Variants in NLGN1 observed in about 807,000 individuals in gnomAD.
NLGN1 encodes neuroligin-1.
In NLGN1, 12 loss-of-function variants were observed where a neutral mutation model predicts 65.5. That is an observed-to-expected ratio of 0.18 (90% CI 0.12 to 0.30). The LOEUF is 0.30. Among genes scored for constraint, NLGN1 ranks in the 10% least tolerant of loss-of-function variants. The pLI, the probability that NLGN1 is intolerant of heterozygous loss-of-function variation, is 1.00. For synonymous variants in NLGN1, 350 were observed against 359.5 expected, an observed-to-expected ratio of 0.97 and a Z score of 0.30; for missense variants, 750 against 1,007.1, an observed-to-expected ratio of 0.74 and a Z score of 3.46.
At chr3:173,693,708 A>G (rs1452575671) in intron 3 of NLGN1, among the ~76,000 whole-genome samples, 1 of 152,058 alleles carries the variant, frequency 6.6e-6, no homozygotes, top group Non-Finnish European at 1.5e-5. Flanking sequence ...GCAGAAAATA[A>G]TGAACAAAAA....
intron 4 of NLGN1, among the ~76,000 whole-genome samples, chr3:174,220,334 TCTC>T (rs1442039466): frequency 6.6e-6 from 1 of 151,992 alleles, no homozygotes; most frequent in Non-Finnish European, 1.5e-5. Flanking sequence ...AGTATGGAGA[TCTC>T]CTACAGAAGT....
intron 3 of NLGN1, among the ~76,000 whole-genome samples, chr3:173,628,822 C>T (rs1192363036): frequency 6.6e-6 from 1 of 151,888 alleles, no homozygotes; most frequent in Non-Finnish European, 1.5e-5. Context: ...GTCTCCCTAA[C>T]AGCTGGGATT....
intron 4 of NLGN1, among the ~76,000 whole-genome samples, chr3:173,832,439 A>C (rs1478929000): frequency 6.6e-6 from 1 of 152,194 alleles, no homozygotes; most frequent in African/African-American, 2.4e-5. Flanking sequence ...ATTTCATGCC[A>C]ATTTGTAGCC....
intron 4 of NLGN1, among the ~76,000 whole-genome samples, chr3:173,980,582 A>T (rs1280544931): frequency 6.6e-6 from 1 of 152,078 alleles, no homozygotes; most frequent in East Asian, 1.9e-4. Context: ...TTTCCTTAGG[A>T]TACATACCTA....
Position 173,766,807 on chromosome 3 carries a change from C to T in NLGN1, c.494-40873C>T, listed in dbSNP as rs533004691. On this transcript the variant is annotated intron_variant, in intron 3 of 6. Transcript: ENST00000457714. ...TGCCTTTTTCGTTTTTATAAGAATA[C>T]GTTTTTAAATCAAAGCCAGATTGGA... is the stretch of plus-strand genomic sequence containing the variant. Among the ~76,000 whole-genome samples the T allele has an allele frequency of 3.9e-5, 6 of 152,146 alleles. No individual in the cohort carries two copies. The East Asian group carries it at 5.8e-4, about 15-fold the overall frequency.
At chr3:174,283,151 A>AAAG (rs1181291046) in exon 7 of NLGN1, 1 of 151,658 alleles carries the variant, frequency 6.6e-6, no homozygotes, top group Non-Finnish European at 1.5e-5. Context: ...AAAAAAAGGA[A>AAAG]AAGAAGAACA....
chr3:173,840,794 A>T (rs1276293001), intron 4 of NLGN1, among the ~76,000 whole-genome samples: 2 of 152,096 alleles, frequency 1.3e-5, no homozygotes, highest in African/African-American at 4.8e-5. Flanking sequence ...GTTATTATCT[A>T]CCACTATTTT....
intron 4 of NLGN1, among the ~76,000 whole-genome samples, chr3:173,938,177 C>T (rs1020065572): frequency 6.6e-6 from 1 of 152,136 alleles, no homozygotes; most frequent in African/African-American, 2.4e-5. Context: ...TGAGTAGTCA[C>T]TAATGCTATT....
At chr3:173,885,653 A>G (rs1734202767) in intron 4 of NLGN1, among the ~76,000 whole-genome samples, 1 of 152,152 alleles carries the variant, frequency 6.6e-6, no homozygotes, top group African/African-American at 2.4e-5. Flanking sequence ...AAAGGAAATA[A>G]TATTTATGTC....
chr3:174,226,603 C>G (rs1042081295), intron 4 of NLGN1, among the ~76,000 whole-genome samples: 3 of 152,106 alleles, frequency 2.0e-5, no homozygotes, highest in African/African-American at 7.2e-5. Context: ...TCAAGCTCAG[C>G]TTTTAAAAAG....
chr3:173,876,603 A>G (rs1732151018), intron 4 of NLGN1, among the ~76,000 whole-genome samples: 1 of 152,166 alleles, frequency 6.6e-6, no homozygotes, highest in African/African-American at 2.4e-5. Flanking sequence ...GCAGGAAAAC[A>G]TAAGATGAGC....
At chr3:174,183,532 T>C (rs1227766281) in intron 4 of NLGN1, among the ~76,000 whole-genome samples, 2 of 152,142 alleles carry the variant, frequency 1.3e-5, no homozygotes. Flanking sequence ...ACAAAACCAA[T>C]GTGTTCTGTG....
chr3:173,598,120 TTTAAGGG>T (rs1749804992), intron 2 of NLGN1, among the ~76,000 whole-genome samples: 1 of 152,216 alleles, frequency 6.6e-6, no homozygotes, highest in East Asian at 1.9e-4. Flanking sequence ...TAGTTTGTTT[TTTAAGGG>T]TTACTTTAAT....
intron 2 of NLGN1, among the ~76,000 whole-genome samples, chr3:173,523,030 T>C (rs564173573): frequency 1.8e-4 from 27 of 151,704 alleles, no homozygotes; most frequent in African/African-American, 6.5e-4. Flanking sequence ...TTAGTTATAT[T>C]GAGCATTTTT....
chr3:174,075,024 T>A (rs1404776), intron 4 of NLGN1, among the ~76,000 whole-genome samples: 41,524 of 152,000 alleles, frequency 0.27, 6,923 homozygotes, highest in African/African-American at 0.48. Context: ...ACATTCCTGA[T>A]TCTAGTGCTG....
intron 4 of NLGN1, among the ~76,000 whole-genome samples, chr3:174,200,334 A>G (rs1006134950): frequency 2.0e-5 from 3 of 152,240 alleles, no homozygotes; most frequent in Non-Finnish European, 2.9e-5. Flanking sequence ...TAAGGCTTGA[A>G]CACTGTGTTC....
chr3:173,744,786 A>G (rs556953176), intron 3 of NLGN1, among the ~76,000 whole-genome samples: 71 of 151,982 alleles, frequency 4.7e-4, no homozygotes, highest in African/African-American at 1.7e-3. Flanking sequence ...TTTCTTGTGG[A>G]GGCCACTGAT....
intron 2 of NLGN1, among the ~76,000 whole-genome samples, chr3:173,461,442 A>G (rs1207768726): frequency 1.3e-5 from 2 of 152,142 alleles, no homozygotes; most frequent in Non-Finnish European, 2.9e-5. Flanking sequence ...AATGGGGGAA[A>G]GATTCTATTA....
At chr3:173,995,544 A>G (rs1475748970) in intron 4 of NLGN1, among the ~76,000 whole-genome samples, 1 of 152,210 alleles carries the variant, frequency 6.6e-6, no homozygotes, top group Non-Finnish European at 1.5e-5. Context: ...ATGACTACAG[A>G]AAACTTTCTG....
Sources: gnomAD v4.1 joint callset for allele counts (sites outside exome capture counted in the v4.1 genomes callset) on GRCh38, gnomAD v4.1.1 for gene constraint, MANE v1.5 for transcripts, NCBI Gene and HGNC (gene_info 2026-07-23, HGNC 2026-07-21) for gene names.